Variants in HSF2BP observed in about 807,000 individuals in gnomAD.
The protein encoded by HSF2BP is heat shock transcription factor 2 binding protein.
HSF2BP carries 35 observed loss-of-function variants against 35.0 expected under a neutral mutation model. The ratio of observed to expected loss-of-function variants is 1.00; its 90% confidence interval spans 0.76 to 1.32. HSF2BP has a LOEUF of 1.32. Ranked by LOEUF, HSF2BP falls within the 40% of genes most tolerant of loss-of-function variation. HSF2BP has a pLI of 0.00. For synonymous variants in HSF2BP, 114 were observed against 117.4 expected, an observed-to-expected ratio of 0.97 and a Z score of 0.18; for missense variants, 326 against 321.7, an observed-to-expected ratio of 1.01 and a Z score of -0.10.
intron 7 of HSF2BP, among the ~76,000 whole-genome samples, chr21:43,592,646 T>G (rs2081941113): frequency 6.6e-6 from 1 of 152,324 alleles, no homozygotes; most frequent in East Asian, 1.9e-4. Flanking sequence ...TGCATTAACA[T>G]ACAGGTTACC....
At chr21:43,615,304 G>C (rs1215087429) in intron 6 of HSF2BP, among the ~76,000 whole-genome samples, 1 of 152,172 alleles carries the variant, frequency 6.6e-6, no homozygotes, top group East Asian at 1.9e-4. Flanking sequence ...TCTGTTTCTG[G>C]TAGATACCCT....
intron 7 of HSF2BP, among the ~76,000 whole-genome samples, chr21:43,605,822 A>G (rs1433523878): frequency 6.6e-6 from 1 of 151,044 alleles, no homozygotes; most frequent in Non-Finnish European, 1.5e-5. Context: ...ACGCATACAC[A>G]CCATACACCC....
At chr21:43,653,879 G>A (rs1033489350) in intron 3 of HSF2BP, among the ~76,000 whole-genome samples, 1 of 152,124 alleles carries the variant, frequency 6.6e-6, no homozygotes, top group Non-Finnish European at 1.5e-5. Flanking sequence ...GTTTCATGCG[G>A]AGTAGTGAGG....
chr21:43,581,371 G>A (rs894230690), intron 8 of HSF2BP, among the ~76,000 whole-genome samples: 1 of 150,674 alleles, frequency 6.6e-6, no homozygotes, highest in African/African-American at 2.5e-5. Context: ...GGGTGGCAGA[G>A]TGAGACTCTG....
intron 4 of HSF2BP, among the ~76,000 whole-genome samples, chr21:43,635,597 T>C (rs561236935): frequency 6.6e-6 from 1 of 151,750 alleles, no homozygotes; most frequent in African/African-American, 2.4e-5. Flanking sequence ...AACCGAATAT[T>C]CATATGCAAA....
At chr21:43,592,913 T>C (rs908624371) in intron 7 of HSF2BP, among the ~76,000 whole-genome samples, 64 of 152,184 alleles carry the variant, frequency 4.2e-4, no homozygotes, top group African/African-American at 1.4e-3. Flanking sequence ...CAGAGTCTGA[T>C]GAAAGTCAGA....
intron 3 of HSF2BP, among the ~76,000 whole-genome samples, chr21:43,647,339 A>T (rs1258816886): frequency 6.6e-6 from 1 of 151,790 alleles, no homozygotes; most frequent in African/African-American, 2.4e-5. Context: ...TGATCCTCTT[A>T]ACTCAGCCTC....
intron 8 of HSF2BP, among the ~76,000 whole-genome samples, chr21:43,573,286 G>A (rs978811322): frequency 5.3e-5 from 8 of 152,162 alleles, no homozygotes; most frequent in Admixed American, 2.6e-4. Context: ...CTGTACTGCC[G>A]AGCCAGCTGT....
At chr21:43,606,162 C>T (rs2082132797) in intron 7 of HSF2BP, among the ~76,000 whole-genome samples, 1 of 152,110 alleles carries the variant, frequency 6.6e-6, no homozygotes, top group African/African-American at 2.4e-5. Flanking sequence ...GGATCACACC[C>T]GAGGTCTGCC....
At chr21:43,463,652 CG>C in the HSF2BP span, among the ~76,000 whole-genome samples, 1 of 151,738 alleles carries the variant, frequency 6.6e-6, no homozygotes, top group East Asian at 2.0e-4. Flanking sequence ...GTCTGTGCCC[CG>C]GGCTCCCAGA....
intron 4 of HSF2BP, among the ~76,000 whole-genome samples, chr21:43,637,318 T>C (rs1357573352): frequency 6.6e-6 from 1 of 152,130 alleles, no homozygotes; most frequent in Non-Finnish European, 1.5e-5. Flanking sequence ...ATTATACACA[T>C]ATTATATAAT....
intron 1 of HSF2BP, among the ~76,000 whole-genome samples, chr21:43,658,891 C>G (rs1049579507): frequency 1.3e-5 from 2 of 152,240 alleles, no homozygotes; most frequent in Non-Finnish European, 2.9e-5. Flanking sequence ...CCGGCCTTTC[C>G]TTCCAGTCTC....
At chr21:43,624,512 T>C (rs1181619590) in intron 6 of HSF2BP, among the ~76,000 whole-genome samples, 1 of 152,124 alleles carries the variant, frequency 6.6e-6, no homozygotes, top group Admixed American at 6.5e-5. Context: ...TGCCTCCATG[T>C]GTTGGTGTGA....
chr21:43,594,354 T>C (rs1375013415), intron 7 of HSF2BP, among the ~76,000 whole-genome samples: 1 of 152,188 alleles, frequency 6.6e-6, no homozygotes, highest in Non-Finnish European at 1.5e-5. Flanking sequence ...AAAGCAGTCA[T>C]TAAAATGTCT....
chr21:43,638,255 C>T (rs1214520865), intron 4 of HSF2BP, among the ~76,000 whole-genome samples: 8 of 152,024 alleles, frequency 5.3e-5, no homozygotes, highest in Admixed American at 5.2e-4. Flanking sequence ...GTCAGGAATT[C>T]GAGACCAGCC....
chr21:43,604,823 G>A (rs867900066), intron 7 of HSF2BP, among the ~76,000 whole-genome samples: 44 of 66,576 alleles, frequency 6.6e-4, no homozygotes, highest in African/African-American at 2.0e-3. Context: ...CACCCACATC[G>A]CACACCACAC....
chr21:43,620,209 GA>G (rs1287366476), intron 6 of HSF2BP, among the ~76,000 whole-genome samples: 1 of 152,102 alleles, frequency 6.6e-6, no homozygotes, highest in Non-Finnish European at 1.5e-5. Flanking sequence ...GAAACAACAG[GA>G]AACAGGGAAC....
chr21:43,468,093 TACC>T, the HSF2BP span, among the ~76,000 whole-genome samples: 1 of 87,038 alleles, frequency 1.1e-5, no homozygotes, highest in Non-Finnish European at 2.3e-5. Flanking sequence ...ACACACCACA[TACC>T]ACACACCACA....
At chr21:43,589,735 G>A (rs1017051195) in intron 8 of HSF2BP, among the ~76,000 whole-genome samples, 5 of 151,982 alleles carry the variant, frequency 3.3e-5, no homozygotes, top group Non-Finnish European at 5.9e-5. Flanking sequence ...TGTCAACAAG[G>A]TGCAAAGGCA....
Sources: allele counts gnomAD v4.1 joint callset (sites outside exome capture counted in the v4.1 genomes callset), GRCh38; gene constraint gnomAD v4.1.1; transcripts MANE v1.5; gene names NCBI Gene and HGNC (gene_info 2026-07-23, HGNC 2026-07-21).